CERKL: variants seen among roughly 807,000 people sequenced by gnomAD.
The protein encoded by CERKL is ceramide kinase-like protein.
A neutral mutation model predicts 63.4 loss-of-function variants in CERKL; 61 were observed. The observed-to-expected ratio is 0.96, with a 90% CI of 0.78 to 1.19. CERKL has a LOEUF of 1.19. Ranked by LOEUF, CERKL falls within the 50% of genes most tolerant of loss-of-function variation. The probability of loss-of-function intolerance (pLI) is 0.00; values close to 1 mark genes in which losing one functional copy is unlikely to be tolerated. For missense variants in CERKL, 675 were observed against 655.5 expected, an observed-to-expected ratio of 1.03 and a Z score of -0.33; for synonymous variants, 250 against 230.5, an observed-to-expected ratio of 1.08 and a Z score of -0.77.
intron 11 of CERKL, among the ~76,000 whole-genome samples, chr2:181,542,895 T>C (rs997516314): frequency 4.7e-5 from 7 of 147,984 alleles, no homozygotes; most frequent in Non-Finnish European, 7.6e-5. Context: ...GAAAGGTATA[T>C]TGATTTAAAA....
At chr2:181,596,184 T>C (rs1194539966) in intron 2 of CERKL, among the ~76,000 whole-genome samples, 2 of 152,208 alleles carry the variant, frequency 1.3e-5, no homozygotes, top group Non-Finnish European at 2.9e-5. Flanking sequence ...ATTTGAAATA[T>C]ATCAGAAATA....
intron 1 of CERKL, among the ~76,000 whole-genome samples, chr2:181,610,828 T>C (rs1242906074): frequency 2.0e-5 from 3 of 152,250 alleles, no homozygotes; most frequent in Non-Finnish European, 2.9e-5. Context: ...TTATTTTTAA[T>C]GTAGAAAAGG....
intron 2 of CERKL, among the ~76,000 whole-genome samples, chr2:181,591,671 C>A (rs747933763): frequency 7.2e-5 from 11 of 152,182 alleles, no homozygotes; most frequent in Non-Finnish European, 1.3e-4. Flanking sequence ...AGCCACAGTT[C>A]TTAATATGGA....
At chr2:181,589,009 A>T (rs1279169754) in intron 2 of CERKL, among the ~76,000 whole-genome samples, 2 of 152,160 alleles carry the variant, frequency 1.3e-5, no homozygotes, top group Non-Finnish European at 1.5e-5. Context: ...TGGCTTAGAA[A>T]TATTTTCTCC....
chr2:181,620,011 C>T (rs1014980461), intron 1 of CERKL, among the ~76,000 whole-genome samples: 16 of 152,162 alleles, frequency 1.1e-4, no homozygotes, highest in Admixed American at 3.3e-4. Context: ...CTACTACATT[C>T]GAGGCACTTC....
At chr2:181,573,911 T>C (rs749249805) in intron 2 of CERKL, 27 bp from the exon 3 acceptor site, 32 of 1,608,552 alleles carry the variant, frequency 2.0e-5, no homozygotes, top group Non-Finnish European at 2.5e-5. Context: ...AAGACAAAGT[T>C]GTAAAGTCCT....
intron 2 of CERKL, 171 bp downstream of exon 2, chr2:181,603,662 CAATT>C: frequency 2.7e-6 from 2 of 727,532 alleles, no homozygotes; most frequent in East Asian, 2.6e-5. Flanking sequence ...ATGATTATCT[CAATT>C]AATGTAGAAA....
chr2:181,551,417 C>A (rs147265220), intron 5 of CERKL, among the ~76,000 whole-genome samples: 1 of 152,072 alleles, frequency 6.6e-6, no homozygotes, highest in Non-Finnish European at 1.5e-5. Context: ...ATGTACCCAT[C>A]TGACAAAGGT....
chr2:181,593,200 A>G (rs1685059774), intron 2 of CERKL, among the ~76,000 whole-genome samples: 1 of 152,212 alleles, frequency 6.6e-6, no homozygotes, highest in Non-Finnish European at 1.5e-5. Context: ...CAGATTATCC[A>G]TATAAAAATT....
chr2:181,631,473 C>T (rs1190975733), intron 1 of CERKL, among the ~76,000 whole-genome samples: 3 of 152,134 alleles, frequency 2.0e-5, no homozygotes, highest in Non-Finnish European at 2.9e-5. Context: ...CCTTTAACCA[C>T]TTCACATCTC....
At chr2:181,548,502 T>G (rs768716099) in intron 8 of CERKL, 43 bp downstream of exon 8, 5 of 1,355,374 alleles carry the variant, frequency 3.7e-6, no homozygotes, top group Non-Finnish European at 5.3e-6. Flanking sequence ...GTTTTATGCT[T>G]TAAAGATACA....
At position 181,570,535 on chromosome 2, in the gene CERKL, G is replaced by T. The variant is rs545175114; in HGVS notation, c.613+3218C>A. ...TCTTCTTTGATTTGTGTACGAATAG[G>T]TAATTAGGAAAAAATAATTCTTTCC... On this transcript the variant is annotated intron_variant, in intron 3 of 12. Transcript: ENST00000410087. Among the ~76,000 whole-genome samples, 16 of 152,206 alleles carry T rather than the reference G, an allele frequency of 1.1e-4. No homozygotes were observed. The East Asian group carries it at 3.1e-3, about 29-fold the overall frequency.
intron 1 of CERKL, among the ~76,000 whole-genome samples, chr2:181,653,391 A>T (rs1470108939): frequency 2.0e-5 from 3 of 152,264 alleles, no homozygotes; most frequent in Non-Finnish European, 2.9e-5. Flanking sequence ...CATATGATCC[A>T]GCAATCCCAC....
chr2:181,582,549 T>C (rs1373249359), intron 2 of CERKL, among the ~76,000 whole-genome samples: 3 of 149,664 alleles, frequency 2.0e-5, no homozygotes, highest in Non-Finnish European at 4.4e-5. Flanking sequence ...TTTTTTTTTT[T>C]GAGATGGAGT....
chr2:181,557,980 C>T (rs186407414), intron 5 of CERKL, among the ~76,000 whole-genome samples: 11 of 152,274 alleles, frequency 7.2e-5, no homozygotes, highest in East Asian at 5.8e-4. Context: ...CTTCACTGAG[C>T]ATCACTGTGG....
intron 1 of CERKL, among the ~76,000 whole-genome samples, chr2:181,648,049 G>T (rs1687742361): frequency 1.3e-5 from 2 of 151,990 alleles, no homozygotes; most frequent in Non-Finnish European, 2.9e-5. Flanking sequence ...ACTAAGCAAA[G>T]AAATTTTTGC....
chr2:181,642,042 T>A (rs1042810304), intron 1 of CERKL, among the ~76,000 whole-genome samples: 1 of 152,220 alleles, frequency 6.6e-6, no homozygotes, highest in East Asian at 1.9e-4. Context: ...GCAGATAGTA[T>A]TTGCAGTTAC....
rs369379908 is a variant in CERKL, at chr2:181,548,726, T to A, written c.1027A>T (p.Asn343Tyr). Reference protein sequence around the residue: ...LAEKYRWMSPNQRRDFAVVKA... With the variant: ...LAEKYRWMSPYQRRDFAVVKA... ...ACAACAGCAAAATCTCTCCGTTGGTTAGGGGACATCCATCGATATTTTTCT... is the reference window on the plus strand; with the variant it reads ...ACAACAGCAAAATCTCTCCGTTGGTAAGGGGACATCCATCGATATTTTTCT... The change falls in exon 7 of 13, where the codon AAC (asparagine) becomes TAC (tyrosine). Residue 343 changes from asparagine (N) to tyrosine (Y), a missense_variant. Asn to Tyr is a moderately radical substitution (Grantham distance 143). Coordinates refer to ENST00000410087, the MANE Select transcript of CERKL (RefSeq NM_201548.5). 1.9e-6 allele frequency: 3 copies of A among 1,614,076 alleles called. No homozygotes were observed. Among genetic ancestry groups the A allele is most frequent in the Non-Finnish European group, 2.5e-6 (3 of 1,179,962 alleles).
chr2:181,638,310 T>A (rs1036268289), intron 1 of CERKL, among the ~76,000 whole-genome samples: 8 of 152,158 alleles, frequency 5.3e-5, no homozygotes, highest in Non-Finnish European at 1.0e-4. Context: ...GACCCTCTGA[T>A]GATGAGCTTG....
Sources: gnomAD v4.1 joint callset for allele counts (sites outside exome capture counted in the v4.1 genomes callset) on GRCh38, gnomAD v4.1.1 for gene constraint, MANE v1.5 for transcripts, NCBI Gene and HGNC (gene_info 2026-07-23, HGNC 2026-07-21) for gene names.